CEP120: variants seen among roughly 807,000 people sequenced by gnomAD.
The protein encoded by CEP120 is centrosomal protein 120.
In CEP120, 113 loss-of-function variants were observed where a neutral mutation model predicts 126.5. The ratio of observed to expected loss-of-function variants is 0.89; its 90% confidence interval spans 0.77 to 1.04. The LOEUF is 1.04. Ranked by LOEUF, CEP120 falls within the 50% of genes least tolerant of loss-of-function variation. The probability of loss-of-function intolerance (pLI) is 0.00; values close to 1 mark genes in which losing one functional copy is unlikely to be tolerated. For synonymous variants in CEP120, 400 were observed against 394.3 expected (o/e 1.01, Z -0.17); for missense variants, 1,230 against 1,155.7 (o/e 1.06, Z -0.93).
Position 123,393,305 on chromosome 5 carries a change from G to A in CEP120, c.805C>T (p.Leu269=), listed in dbSNP as rs1193470486. 1 of 1,614,070 alleles carries A rather than the reference G, an allele frequency of 6.2e-7. No individual in the cohort carries two copies. The highest frequency in any genetic ancestry group is 1.7e-5 in the Admixed American group (1 of 60,016). ...CGATTTGCTGCAATACTCACCTGCA[G>A]TTTAGACTGAAGAGCCAGGTAAACA... The part of the protein sequence containing the change: ...LRVYLALQSK[L]QIHLCCGDQS... The change falls in exon 6 of 20, where the codon CTG becomes TTG. Residue 269 remains leucine (L), a synonymous_variant. Transcript: ENST00000306467.
chr5:123,416,359 G>A (rs1176463374), intron 2 of CEP120, among the ~76,000 whole-genome samples: 1 of 151,870 alleles, frequency 6.6e-6, no homozygotes, highest in Non-Finnish European at 1.5e-5. Context: ...TCAGGAAATC[G>A]AGACCATCCT....
At chr5:123,416,624 T>C (rs1580745108) in intron 2 of CEP120, among the ~76,000 whole-genome samples, 1 of 152,096 alleles carries the variant, frequency 6.6e-6, no homozygotes, top group East Asian at 1.9e-4. Flanking sequence ...GAACTATTAA[T>C]TATATCTACT....
At chr5:123,354,807 T>C (rs1360890786) in intron 18 of CEP120, among the ~76,000 whole-genome samples, 3 of 152,056 alleles carry the variant, frequency 2.0e-5, no homozygotes, top group Non-Finnish European at 4.4e-5. Flanking sequence ...TATTATACTT[T>C]AAGTTCTAGG....
intron 17 of CEP120, among the ~76,000 whole-genome samples, chr5:123,366,989 T>C (rs976116975): frequency 4.0e-5 from 6 of 151,836 alleles, no homozygotes; most frequent in Admixed American, 2.6e-4. Flanking sequence ...ATCTTAAGGC[T>C]CAGCTCAGAC....
At chr5:123,407,307 A>T (rs1773761834) in intron 4 of CEP120, among the ~76,000 whole-genome samples, 1 of 152,100 alleles carries the variant, frequency 6.6e-6, no homozygotes, top group Non-Finnish European at 1.5e-5. Context: ...ACCAGTTAAA[A>T]AACAGATTGT....
intron 5 of CEP120, among the ~76,000 whole-genome samples, chr5:123,395,917 C>T (rs1252017547): frequency 6.6e-6 from 1 of 151,304 alleles, no homozygotes; most frequent in Non-Finnish European, 1.5e-5. Flanking sequence ...CTCCTGACCT[C>T]GTGATCCGCC....
chr5:123,416,531 A>T (rs1465906712), intron 2 of CEP120, among the ~76,000 whole-genome samples: 3 of 152,184 alleles, frequency 2.0e-5, no homozygotes, highest in African/African-American at 7.2e-5. Flanking sequence ...AGATCGCGCC[A>T]CTACACTCCA....
chr5:123,366,880 GAA>G (rs765108150), intron 17 of CEP120, among the ~76,000 whole-genome samples: 26,433 of 151,506 alleles, frequency 0.17, 2,792 homozygotes, highest in Middle Eastern at 0.25. Flanking sequence ...TCCTCAACAG[GAA>G]ACCTACTCCA....
At chr5:123,378,172 T>A (rs1315761870) in intron 15 of CEP120, among the ~76,000 whole-genome samples, 164 bp downstream of exon 15, 1 of 152,034 alleles carries the variant, frequency 6.6e-6, no homozygotes, top group Non-Finnish European at 1.5e-5. Flanking sequence ...CTCTCATAAA[T>A]GGAGTGCCTC....
chr5:123,415,846 T>C (rs1774344867), intron 3 of CEP120, among the ~76,000 whole-genome samples, 164 bp downstream of exon 3: 1 of 151,932 alleles, frequency 6.6e-6, no homozygotes, highest in Non-Finnish European at 1.5e-5. Context: ...CACTCCAGCC[T>C]GGATAACAGA....
chr5:123,402,611 C>G (rs564655656), intron 4 of CEP120, among the ~76,000 whole-genome samples: 1 of 152,252 alleles, frequency 6.6e-6, no homozygotes, highest in South Asian at 2.1e-4. Context: ...AGGGGTTTCA[C>G]CATGTTGGCC....
chr5:123,368,309 G>C (rs1055991674), intron 17 of CEP120, among the ~76,000 whole-genome samples: 1 of 151,880 alleles, frequency 6.6e-6, no homozygotes, highest in African/African-American at 2.4e-5. Context: ...AGTACTCTTA[G>C]ACACCCACAT....
At chr5:123,411,768 C>T (rs533254720) in intron 4 of CEP120, among the ~76,000 whole-genome samples, 1 of 152,262 alleles carries the variant, frequency 6.6e-6, no homozygotes, top group Non-Finnish European at 1.5e-5. Flanking sequence ...ATAGTGGATA[C>T]TACAAGTCAT....
intron 9 of CEP120, among the ~76,000 whole-genome samples, chr5:123,387,699 C>T (rs1030286295): frequency 6.6e-6 from 1 of 152,018 alleles, no homozygotes; most frequent in Non-Finnish European, 1.5e-5. Context: ...TTTGCAAATG[C>T]TAATGCTTGT....
chr5:123,384,114 C>T (rs1214918768), intron 11 of CEP120, among the ~76,000 whole-genome samples: 1 of 152,046 alleles, frequency 6.6e-6, no homozygotes, highest in African/African-American at 2.4e-5. Context: ...AACAAACGGG[C>T]AGCATTAAAA....
At chr5:123,388,682 G>A (rs990820926) in intron 8 of CEP120, 76 bp from the exon 9 acceptor site, 4 of 1,158,132 alleles carry the variant, frequency 3.5e-6, no homozygotes, top group Non-Finnish European at 3.5e-6. Flanking sequence ...ATAGTTTAAG[G>A]CTATCATCTC....
At chr5:123,382,476 A>G (rs1366337538) in intron 13 of CEP120, among the ~76,000 whole-genome samples, 1 of 152,146 alleles carries the variant, frequency 6.6e-6, no homozygotes, top group Non-Finnish European at 1.5e-5. Flanking sequence ...ATGCCAAATG[A>G]GGACATGAAA....
chr5:123,350,053 G>GT lies in CEP120; in HGVS notation c.2616dup (p.Gln873ThrfsTer16), dbSNP rs1463864508. The GT allele has an allele frequency of 7.4e-6, 12 of 1,612,898 alleles. No homozygotes were observed. Among genetic ancestry groups the GT allele is most frequent in the Admixed American group, 1.7e-5 (1 of 59,804 alleles). On this transcript the variant is annotated frameshift_variant, in exon 19 of 20. Coordinates refer to ENST00000306467, the MANE Select transcript of CEP120 (RefSeq NM_001375405.1). LOFTEE classifies it high-confidence loss of function. Reference sequence around the variant, plus strand: ...CTCATCTGTTCCAATTCTTCCTGCTGTTTTTTAAGACGAGCCATTTGACTT... The same window carrying GT: ...CTCATCTGTTCCAATTCTTCCTGCTGTTTTTTTAAGACGAGCCATTTGACTT...
chr5:123,369,646 CCTTCT>C (rs1770710456), intron 17 of CEP120, among the ~76,000 whole-genome samples: 1 of 151,940 alleles, frequency 6.6e-6, no homozygotes, highest in South Asian at 2.1e-4. Flanking sequence ...ATTGCTAGCT[CCTTCT>C]CTTCTCACAG....
Sources: gnomAD v4.1 joint callset for allele counts (sites outside exome capture counted in the v4.1 genomes callset) on GRCh38, gnomAD v4.1.1 for gene constraint, MANE v1.5 for transcripts, NCBI Gene and HGNC (gene_info 2026-07-23, HGNC 2026-07-21) for gene names.